Variants in PRIM2 observed in about 807,000 individuals in gnomAD.
PRIM2 encodes the protein DNA primase large subunit.
Under a neutral mutation model 67.3 loss-of-function variants are expected in PRIM2, and 39 were observed. The ratio of observed to expected loss-of-function variants is 0.58; its 90% CI spans 0.45 to 0.76. The LOEUF is 0.76. PRIM2 is among the 30% of genes least tolerant of loss of function. The pLI is 0.00. For missense variants in PRIM2, 398 were observed against 598.7 expected, an observed-to-expected ratio of 0.66 and a Z score of 3.50; for synonymous variants, 143 against 198.7, an observed-to-expected ratio of 0.72 and a Z score of 2.36.
intron 7 of PRIM2, among the ~76,000 whole-genome samples, chr6:57,448,343 T>C (rs1431287733): frequency 6.6e-6 from 1 of 152,064 alleles, no homozygotes; most frequent in Non-Finnish European, 1.5e-5. Context: ...CAACATAGTT[T>C]TTGAGGGTGA....
intron 5 of PRIM2, among the ~76,000 whole-genome samples, chr6:57,366,469 G>T (rs1769361087): frequency 6.6e-6 from 1 of 152,084 alleles, no homozygotes; most frequent in African/African-American, 2.4e-5. Context: ...AATGTGTGAG[G>T]GTAGGGGTGA....
chr6:57,493,876 C>T lies in PRIM2; in HGVS notation c.694-13511C>T, dbSNP rs1554346169. ...TAGGATGTGTAATGAAACATGAAGA[C>T]GTCAAGTATAAAGGATGGCAATTGC... On this transcript the variant is annotated intron_variant, in intron 7 of 13. Transcript: ENST00000615550. The T allele has an allele frequency of 6.6e-5, 10 of 152,160 alleles. No homozygotes were observed. The South Asian group carries it at 8.3e-4, about 13-fold the overall frequency. 9.4% of individuals were successfully genotyped at this position (152,160 alleles called of 1,614,324 possible).
chr6:57,468,382 A>G (rs1394386131), intron 7 of PRIM2, among the ~76,000 whole-genome samples: 2 of 152,182 alleles, frequency 1.3e-5, no homozygotes, highest in African/African-American at 4.8e-5. Context: ...ATCTATTGAG[A>G]TAACTGTGTG....
intron 5 of PRIM2, among the ~76,000 whole-genome samples, chr6:57,369,915 TAAC>T (rs1187399960): frequency 2.0e-5 from 3 of 152,234 alleles, no homozygotes; most frequent in Non-Finnish European, 2.9e-5. Flanking sequence ...TTACAGGTAG[TAAC>T]AACAAGTGTT....
the PRIM2 span, among the ~76,000 whole-genome samples, chr6:57,268,730 C>A: frequency 6.7e-6 from 1 of 150,240 alleles, no homozygotes; most frequent in African/African-American, 2.4e-5. Context: ...TGTGCTGCAC[C>A]CATTAACTCG....
chr6:57,516,806 G>A (rs2051497899), intron 8 of PRIM2, among the ~76,000 whole-genome samples: 1 of 152,126 alleles, frequency 6.6e-6, no homozygotes, highest in African/African-American at 2.4e-5. Flanking sequence ...TTAGGTTCTA[G>A]GGATACATTT....
the PRIM2 span, among the ~76,000 whole-genome samples, chr6:57,287,372 A>G: frequency 1.3e-5 from 2 of 152,346 alleles, no homozygotes; most frequent in East Asian, 3.9e-4. Context: ...ATGCCCATCA[A>G]TGACAGAGTG....
At chr6:57,559,463 CT>C (rs1775586093) in intron 10 of PRIM2, among the ~76,000 whole-genome samples, 1 of 152,170 alleles carries the variant, frequency 6.6e-6, no homozygotes, top group Non-Finnish European at 1.5e-5. Context: ...ATCTAAGGGC[CT>C]ACTCAGGTCA....
At chr6:57,492,542 T>TA (rs1446103302) in intron 7 of PRIM2, among the ~76,000 whole-genome samples, 5,409 of 146,810 alleles carry the variant, frequency 0.037, 292 homozygotes, top group African/African-American at 0.12. Flanking sequence ...GAACTCTCTC[T>TA]AAAAAAAAAA....
chr6:57,425,269 G>T (rs1244634226), intron 7 of PRIM2, among the ~76,000 whole-genome samples: 1 of 151,896 alleles, frequency 6.6e-6, no homozygotes, highest in Admixed American at 6.6e-5. Context: ...AGGGAGTCTC[G>T]CTCTGTCGCC....
chr6:57,529,950 G>A (rs1774851467), intron 8 of PRIM2, among the ~76,000 whole-genome samples: 1 of 152,052 alleles, frequency 6.6e-6, no homozygotes. Context: ...TTGAGGTGGT[G>A]TAGGGTATCA....
chr6:57,300,061 T>C, the PRIM2 span, among the ~76,000 whole-genome samples: 2 of 152,216 alleles, frequency 1.3e-5, no homozygotes, highest in African/African-American at 4.8e-5. Flanking sequence ...CTGTGTTTAC[T>C]CTATACATCT....
rs1331790702 is a variant in PRIM2 at position 57,500,201 on chromosome 6, A to G, written c.694-7186A>G. Among the ~76,000 whole-genome samples the G allele has an allele frequency of 4.6e-5, 7 of 152,106 alleles. No homozygotes were observed. The East Asian group carries it at 1.4e-3, about 29-fold the overall frequency. ...TTCTGTCCCTACTGCCTCTGCCATA[A>G]TTTGGCTCTTCATCTTGGATCCCTA... On this transcript the variant is annotated intron_variant, in intron 7 of 13. Coordinates refer to ENST00000615550, the MANE Select transcript of PRIM2 (RefSeq NM_000947.5).
chr6:57,459,976 G>T (rs1207197939), intron 7 of PRIM2, among the ~76,000 whole-genome samples: 1 of 152,180 alleles, frequency 6.6e-6, no homozygotes, highest in South Asian at 2.1e-4. Context: ...GAGGGGCACA[G>T]AGCCCCCTCC....
At chr6:57,409,315 A>G (rs1771006778) in intron 7 of PRIM2, among the ~76,000 whole-genome samples, 2 of 151,976 alleles carry the variant, frequency 1.3e-5, no homozygotes, top group Non-Finnish European at 2.9e-5. Context: ...AGCTGGGACT[A>G]CAGGTGCCCA....
chr6:57,385,842 C>A (rs1770127551), intron 7 of PRIM2, among the ~76,000 whole-genome samples: 1 of 151,944 alleles, frequency 6.6e-6, no homozygotes, highest in Non-Finnish European at 1.5e-5. Flanking sequence ...TCATTGCATT[C>A]TATCAGATTA....
At chr6:57,473,989 T>C (rs1255724209) in intron 7 of PRIM2, among the ~76,000 whole-genome samples, 1 of 151,908 alleles carries the variant, frequency 6.6e-6, no homozygotes. Context: ...TCTTTTCTTG[T>C]GCAAATTACT....
chr6:57,448,891 C>T (rs1303951027), intron 7 of PRIM2, among the ~76,000 whole-genome samples: 2 of 152,118 alleles, frequency 1.3e-5, no homozygotes, highest in Non-Finnish European at 2.9e-5. Flanking sequence ...TCTGTTTTAA[C>T]ATTAATGCTG....
chr6:57,221,626 T>TG, the PRIM2 span: 1 of 152,400 alleles, frequency 6.6e-6, no homozygotes, highest in African/African-American at 2.4e-5. Flanking sequence ...AGTCGGGACT[T>TG]GGGGCAGGCA....
Sources: gnomAD v4.1 joint callset for allele counts (sites outside exome capture counted in the v4.1 genomes callset) on GRCh38, gnomAD v4.1.1 for gene constraint, MANE v1.5 for transcripts, NCBI Gene and HGNC (gene_info 2026-07-23, HGNC 2026-07-21) for gene names.